PSMD5: variants seen among roughly 807,000 people sequenced by gnomAD.
The protein encoded by PSMD5 is 26S proteasome non-ATPase regulatory subunit 5.
A neutral mutation model predicts 52.1 loss-of-function variants in PSMD5; 40 were observed. The ratio of observed to expected loss-of-function variants is 0.77; its 90% CI spans 0.60 to 1.00. The LOEUF is 1.00. Ranked by LOEUF, PSMD5 falls within the 50% of genes least tolerant of loss-of-function variation. PSMD5 has a pLI of 0.00. For synonymous variants in PSMD5, 211 were observed against 226.6 expected (o/e 0.93, Z 0.62); for missense variants, 575 against 605.2 (o/e 0.95, Z 0.52).
At chr9:120,831,548 G>C in intron 3 of PSMD5, 89 bp from the exon 4 acceptor site, 1 of 1,413,748 alleles carries the variant, frequency 7.1e-7, no homozygotes, top group South Asian at 1.4e-5. Context: ...TGCATGGAAT[G>C]CACCTTGCCC....
intron 9 of PSMD5, among the ~76,000 whole-genome samples, chr9:120,819,174 G>A (rs553636971): frequency 6.6e-6 from 1 of 152,228 alleles, no homozygotes; most frequent in African/African-American, 2.4e-5. Flanking sequence ...CAAGTTTATG[G>A]CCTAGTTTTT....
At chr9:120,831,200 C>T in intron 4 of PSMD5, 131 bp downstream of exon 4, 1 of 932,120 alleles carries the variant, frequency 1.1e-6, no homozygotes, top group South Asian at 2.5e-5. Flanking sequence ...GCTGGGAATG[C>T]ATCCTTATAT....
intron 1 of PSMD5, 22 bp downstream of exon 1, chr9:120,842,715 C>T: frequency 6.2e-7 from 1 of 1,612,634 alleles, no homozygotes; most frequent in African/African-American, 1.3e-5. Context: ...CTCCTCGGCT[C>T]AAGCCCCCGG....
intron 7 of PSMD5, among the ~76,000 whole-genome samples, chr9:120,823,909 T>A (rs1015187021): frequency 6.6e-6 from 1 of 151,566 alleles, no homozygotes; most frequent in Non-Finnish European, 1.5e-5. Context: ...TGAGAAGCAG[T>A]TGTTATGCCA....
intron 1 of PSMD5, among the ~76,000 whole-genome samples, chr9:120,840,651 ACT>A (rs1352057922): frequency 1.6e-5 from 2 of 122,348 alleles, no homozygotes; most frequent in Non-Finnish European, 3.3e-5. Flanking sequence ...ACGGAATCTC[ACT>A]CTGTTGCCCA....
intron 1 of PSMD5, among the ~76,000 whole-genome samples, chr9:120,837,118 T>G (rs2045203481): frequency 6.6e-6 from 1 of 152,174 alleles, no homozygotes; most frequent in Non-Finnish European, 1.5e-5. Flanking sequence ...CTCTATCTCC[T>G]GACCTCGTGA....
At chr9:120,841,643 A>G (rs2045238821) in intron 1 of PSMD5, among the ~76,000 whole-genome samples, 1 of 152,180 alleles carries the variant, frequency 6.6e-6, no homozygotes, top group African/African-American at 2.4e-5. Context: ...CCACATACAT[A>G]TATATACATC....
intron 1 of PSMD5, among the ~76,000 whole-genome samples, chr9:120,838,411 T>C (rs530209565): frequency 1.8e-4 from 28 of 152,224 alleles, no homozygotes; most frequent in Non-Finnish European, 3.1e-4. Flanking sequence ...ATTTTCATGT[T>C]CTAAAGCAGT....
In PSMD5 at chr9:120,818,078, T is replaced by C; in HGVS notation, c.1343A>G (p.His448Arg). Residue 448 changes from histidine to arginine, a missense_variant, in exon 10 of 10, where the codon CAT becomes CGT. By Grantham distance (29) the His-to-Arg change is conservative (BLOSUM62 0). Coordinates refer to ENST00000210313, the MANE Select transcript of PSMD5 (RefSeq NM_005047.4). ...TTTGGCATCCTTTGAAGCTTTGTCATGCTCCACAGACCGGTCCACCACATA... is the reference window on the plus strand; with the variant it reads ...TTTGGCATCCTTTGAAGCTTTGTCACGCTCCACAGACCGGTCCACCACATA... The part of the protein sequence containing the change: ...VEYVVDRSVE[H>R]DKASKDAKYE... 6.2e-7 allele frequency: 1 copy of C among 1,614,230 alleles called. No individual in the cohort carries two copies. Among genetic ancestry groups the C allele is most frequent in the Non-Finnish European group, 8.5e-7 (1 of 1,180,032 alleles).
At chr9:120,818,774 A>G (rs1345855046) in intron 9 of PSMD5, among the ~76,000 whole-genome samples, 3 of 152,022 alleles carry the variant, frequency 2.0e-5, no homozygotes, top group Non-Finnish European at 4.4e-5. Flanking sequence ...AAAAAAGCAA[A>G]AACTGCAATT....
rs146213752 is a variant in PSMD5 at position 120,834,269 on chromosome 9, C to T, written c.174-813G>A. Reference sequence around the variant, plus strand: ...TGCTGGGATTACAGGTGTGAGACACCGTGCCTGGCCCGATATATTCTCTAG... The same window carrying T: ...TGCTGGGATTACAGGTGTGAGACACTGTGCCTGGCCCGATATATTCTCTAG... On this transcript the variant is annotated intron_variant, in intron 1 of 9. Coordinates refer to ENST00000210313, the MANE Select transcript of PSMD5 (RefSeq NM_005047.4). Among the ~76,000 whole-genome samples, 703 of 151,992 alleles carry T rather than the reference C, an allele frequency of 4.6e-3. 4 individuals carry two copies. Among genetic ancestry groups the T allele is most frequent in the African/African-American group, 6.2e-3 (258 of 41,440 alleles).
chr9:120,831,514 T>C lies in PSMD5; in HGVS notation c.433-55A>G, dbSNP rs1367649662. The C allele has an allele frequency of 2.0e-6, 3 of 1,514,724 alleles. No homozygotes were observed. The African/African-American group carries it at 4.2e-5, about 21-fold the overall frequency. 93.8% of individuals were successfully genotyped at this position (1,514,724 alleles called of 1,614,324 possible). A position where few individuals can be genotyped will look rare whatever the true frequency, so the allele number is the denominator to read the frequency against. ...TCCCAAAATGCAGGTTATTATCTAC[T>C]TCATAAGAGTGATGTAAAAATAGTG... is the stretch of plus-strand genomic sequence containing the variant. On this transcript the variant is annotated intron_variant, in intron 3 of 9. Transcript: ENST00000210313.
At chr9:120,819,900 C>T (rs765432504) in intron 9 of PSMD5, among the ~76,000 whole-genome samples, 4 of 152,080 alleles carry the variant, frequency 2.6e-5, no homozygotes, top group African/African-American at 9.7e-5. Context: ...GATCCTGTAT[C>T]GCATCCTCAG....
At chr9:120,819,708 G>A (rs2045070028) in intron 9 of PSMD5, among the ~76,000 whole-genome samples, 1 of 152,106 alleles carries the variant, frequency 6.6e-6, no homozygotes, top group African/African-American at 2.4e-5. Flanking sequence ...ATGGTGGTGG[G>A]CGCCCGTAGG....
chr9:120,823,510 C>CTTTTTTTTTTTTTTTTTT (rs1263218977), intron 7 of PSMD5, among the ~76,000 whole-genome samples: 9 of 108,662 alleles, frequency 8.3e-5, no homozygotes, highest in African/African-American at 3.2e-4. Context: ...TACCTGGCCT[C>CTTTTTTTTTTTTTTTTTT]TTTTTTTTTT....
chr9:120,842,445 G>A (rs183726230), intron 1 of PSMD5: 27 of 482,796 alleles, frequency 5.6e-5, no homozygotes, highest in Non-Finnish European at 9.2e-5. Flanking sequence ...CTCCTTGTAA[G>A]TGGACAGCTT....
At chr9:120,824,109 T>TAAAAAAAAAAAAAAAAAAAA (rs34305055) in intron 7 of PSMD5, 1 of 111,068 alleles carries the variant, frequency 9.0e-6, no homozygotes, top group African/African-American at 4.1e-5. Flanking sequence ...CTCAATCTCT[T>TAAAAAAAAAAAAAAAAAAAA]AAAAAAAAAA....
intron 1 of PSMD5, chr9:120,842,477 A>G: frequency 3.7e-6 from 2 of 537,730 alleles, no homozygotes; most frequent in South Asian, 2.3e-5. Flanking sequence ...TTTAATTTCT[A>G]TTTGATGAAG....
chr9:120,831,863 A>G lies in PSMD5; in HGVS notation c.401T>C (p.Ile134Thr), dbSNP rs1478246522. The stretch of plus-strand genomic sequence containing the variant: ...TGCTACAGATAGATTCTCTCCACCA[A>G]TGCAATAAACAATTTGTTTTAGTAA... Reference protein sequence around the residue: ...AELLKQIVYCIGGENLSVAKA... With the variant: ...AELLKQIVYCTGGENLSVAKA... The change falls in exon 3 of 10, where the codon ATT becomes ACT. Residue 134 changes from isoleucine (I) to threonine (T), a missense_variant. Ile to Thr is a moderately conservative substitution (Grantham distance 89, BLOSUM62 -1). Transcript: ENST00000210313. The G allele has an allele frequency of 6.2e-7, 1 of 1,613,452 alleles. No homozygotes were observed. Among genetic ancestry groups the G allele is most frequent in the South Asian group, 1.1e-5 (1 of 91,058 alleles).
Sources: gnomAD v4.1 joint callset for allele counts (sites outside exome capture counted in the v4.1 genomes callset) on GRCh38, gnomAD v4.1.1 for gene constraint, MANE v1.5 for transcripts, NCBI Gene and HGNC (gene_info 2026-07-23, HGNC 2026-07-21) for gene names.